The following NR3C2 variants were observed in gnomAD, a reference collection of about 807,000 sequenced individuals.
NR3C2 encodes nuclear receptor subfamily 3 group C member 2.
NR3C2 carries 15 observed loss-of-function variants against 86.4 expected under a neutral mutation model. That is an observed-to-expected ratio of 0.17 (90% confidence interval 0.12 to 0.27). The LOEUF (loss-of-function observed/expected upper bound fraction) is 0.27. NR3C2 is among the 10% of genes least tolerant of loss of function. The pLI, the probability that NR3C2 is intolerant of heterozygous loss-of-function variation, is 1.00. For synonymous variants in NR3C2, 458 were observed against 450.5 expected, an observed-to-expected ratio of 1.02 and a Z score of -0.21; for missense variants, 960 against 1,195.6, an observed-to-expected ratio of 0.80 and a Z score of 2.91.
intron 2 of NR3C2, among the ~76,000 whole-genome samples, chr4:148,393,096 G>A (rs1747674452): frequency 1.3e-5 from 2 of 152,178 alleles, no homozygotes; most frequent in Admixed American, 1.3e-4. Flanking sequence ...TAGAGTTTCA[G>A]GAGACAAAAT....
chr4:148,109,102 G>A (rs1731933832), intron 8 of NR3C2, among the ~76,000 whole-genome samples: 1 of 152,134 alleles, frequency 6.6e-6, no homozygotes, highest in African/African-American at 2.4e-5. Context: ...AGCTATCTAG[G>A]AACCTTAAGA....
chr4:148,249,481 G>A (rs1418855235), intron 3 of NR3C2, among the ~76,000 whole-genome samples: 1 of 152,108 alleles, frequency 6.6e-6, no homozygotes, highest in African/African-American at 2.4e-5. Context: ...CTTGTTGATA[G>A]TTATGATGCC....
chr4:148,259,878 T>A (rs1478544219), intron 3 of NR3C2, 100 bp downstream of exon 3: 3 of 1,459,532 alleles, frequency 2.1e-6, no homozygotes, highest in Non-Finnish European at 2.9e-6. Flanking sequence ...AAATCAAAAA[T>A]CTTTTTGAAG....
rs1254070697 is a variant in NR3C2 at position 148,391,648 on chromosome 4, C to A, written c.1757+43456G>T. ...TTGGGAGGTTGAGGCTGGCAGATCACCTGAGGTCAGGAGTTTGAGACCAGC... is the reference window on the plus strand; with the variant it reads ...TTGGGAGGTTGAGGCTGGCAGATCAACTGAGGTCAGGAGTTTGAGACCAGC... On this transcript the variant is annotated intron_variant, in intron 2 of 8. Coordinates refer to ENST00000358102, the MANE Select transcript of NR3C2 (RefSeq NM_000901.5). Among the ~76,000 whole-genome samples, 4 of 152,106 alleles carry A rather than the reference C, an allele frequency of 2.6e-5. No individual in the cohort carries two copies. The East Asian group carries it at 7.7e-4, about 29-fold the overall frequency.
At chr4:148,106,031 A>C (rs896419435) in intron 8 of NR3C2, among the ~76,000 whole-genome samples, 5 of 152,238 alleles carry the variant, frequency 3.3e-5, no homozygotes, top group Admixed American at 6.5e-5. Flanking sequence ...TGGCAAGAGA[A>C]AGATATAAAG....
chr4:148,367,328 A>G (rs1746197598), intron 2 of NR3C2, among the ~76,000 whole-genome samples: 1 of 152,202 alleles, frequency 6.6e-6, no homozygotes, highest in East Asian at 1.9e-4. Context: ...GGCATACGAT[A>G]ATTGCTCTAT....
chr4:148,323,868 C>T (rs981818913), intron 2 of NR3C2, among the ~76,000 whole-genome samples: 2 of 151,924 alleles, frequency 1.3e-5, no homozygotes, highest in South Asian at 2.1e-4. Context: ...AGCTGTGGAC[C>T]GGAGCTGTTC....
At chr4:148,417,024 G>A (rs187084302) in intron 2 of NR3C2, among the ~76,000 whole-genome samples, 44 of 152,158 alleles carry the variant, frequency 2.9e-4, no homozygotes, top group African/African-American at 8.7e-4. Flanking sequence ...TGATCCACCC[G>A]CCTCCGCCTC....
chr4:148,090,253 T>C (rs948980725), intron 8 of NR3C2, among the ~76,000 whole-genome samples: 1 of 152,178 alleles, frequency 6.6e-6, no homozygotes, highest in South Asian at 2.1e-4. Context: ...CAGGTGCTGC[T>C]AGTGTGACGA....
chr4:148,371,546 G>C (rs746593802), intron 2 of NR3C2, among the ~76,000 whole-genome samples: 1 of 151,828 alleles, frequency 6.6e-6, no homozygotes, highest in East Asian at 1.9e-4. Context: ...GTTATTGAAA[G>C]TGAAAAATTT....
chr4:148,143,281 A>G (rs1438537122), intron 6 of NR3C2, among the ~76,000 whole-genome samples: 1 of 152,186 alleles, frequency 6.6e-6, no homozygotes, highest in Non-Finnish European at 1.5e-5. Flanking sequence ...GGGCACTAGA[A>G]AAGCTCTTGA....
chr4:148,229,325 C>A (rs920380798), intron 3 of NR3C2, among the ~76,000 whole-genome samples: 1 of 152,240 alleles, frequency 6.6e-6, no homozygotes, highest in South Asian at 2.1e-4. Flanking sequence ...TTGGCAGAAC[C>A]CCCTCTTTCT....
chr4:148,377,195 G>A (rs535077493), intron 2 of NR3C2, among the ~76,000 whole-genome samples: 4 of 152,130 alleles, frequency 2.6e-5, no homozygotes, highest in African/African-American at 4.8e-5. Context: ...AAAAATAAAC[G>A]AGGAATGAGG....
chr4:148,115,855 A>C lies in NR3C2; in HGVS notation c.2642-1594T>G, dbSNP rs550146278. Among the ~76,000 whole-genome samples the C allele has an allele frequency of 2.0e-5, 3 of 152,320 alleles. No homozygotes were observed. The South Asian group carries it at 6.2e-4, about 32-fold the overall frequency. On this transcript the variant is annotated intron_variant, in intron 7 of 8. Coordinates refer to ENST00000358102, the MANE Select transcript of NR3C2 (RefSeq NM_000901.5). ...TTTAAAATATTTGACATTCATATTA[A>C]ATGTTAAATGCTATCCATTATATAA...
At chr4:148,365,306 A>C (rs1249244137) in intron 2 of NR3C2, among the ~76,000 whole-genome samples, 1 of 152,136 alleles carries the variant, frequency 6.6e-6, no homozygotes, top group East Asian at 1.9e-4. Flanking sequence ...GAAATTTTCC[A>C]CTTGTGACAT....
chr4:148,114,990 A>G (rs1007990581), intron 7 of NR3C2, among the ~76,000 whole-genome samples: 2 of 152,142 alleles, frequency 1.3e-5, no homozygotes, highest in Admixed American at 6.5e-5. Context: ...ATATTTTCCT[A>G]TCTCTGAGGT....
intron 4 of NR3C2, among the ~76,000 whole-genome samples, chr4:148,184,418 C>T (rs1414275389): frequency 6.6e-6 from 1 of 151,460 alleles, no homozygotes; most frequent in African/African-American, 2.4e-5. Flanking sequence ...TGCCATTGCA[C>T]TCCAGCCTGG....
intron 3 of NR3C2, among the ~76,000 whole-genome samples, chr4:148,199,515 C>T (rs1384102008): frequency 6.6e-6 from 1 of 152,080 alleles, no homozygotes; most frequent in Non-Finnish European, 1.5e-5. Flanking sequence ...TAAGTAGGCA[C>T]ATACACTCAG....
chr4:148,428,981 C>G (rs1749677723), intron 2 of NR3C2, among the ~76,000 whole-genome samples: 1 of 152,134 alleles, frequency 6.6e-6, no homozygotes, highest in Non-Finnish European at 1.5e-5. Flanking sequence ...CTAGCCTCTT[C>G]CAGGTTTTCT....
Sources: allele counts gnomAD v4.1 joint callset (sites outside exome capture counted in the v4.1 genomes callset), GRCh38; gene constraint gnomAD v4.1.1; transcripts MANE v1.5; gene names NCBI Gene and HGNC (gene_info 2026-07-23, HGNC 2026-07-21).